The following PTPN11 variants were observed in gnomAD, a reference collection of about 807,000 sequenced individuals.
PTPN11 encodes tyrosine-protein phosphatase non-receptor type 11.
Under a neutral mutation model 78.8 loss-of-function variants are expected in PTPN11, and 6 were observed. That is an observed-to-expected ratio of 0.08 (90% CI 0.04 to 0.15). The LOEUF (loss-of-function observed/expected upper bound fraction) is 0.15, where lower values mean the gene tolerates loss of function less well. Among genes scored for constraint, PTPN11 ranks in the 10% least tolerant of loss-of-function variants. PTPN11 has a pLI of 1.00. For synonymous variants in PTPN11, 221 were observed against 263.5 expected (o/e 0.84, Z 1.56); for missense variants, 386 against 744.8 (o/e 0.52, Z 5.61).
chr12:112,483,983 A>C (rs1215180382), intron 10 of PTPN11, among the ~76,000 whole-genome samples: 1 of 151,870 alleles, frequency 6.6e-6, no homozygotes, highest in African/African-American at 2.4e-5. Context: ...TGGAGGTGGG[A>C]TGCGGAGGGG....
intron 7 of PTPN11, among the ~76,000 whole-genome samples, chr12:112,475,673 T>C (rs1592845844): frequency 1.3e-5 from 2 of 152,358 alleles, no homozygotes; most frequent in African/African-American, 4.8e-5. Flanking sequence ...TTGGAGAGCA[T>C]TGCTCTCATG....
intron 1 of PTPN11, among the ~76,000 whole-genome samples, chr12:112,431,075 G>C (rs59787000): frequency 6.6e-6 from 1 of 152,300 alleles, no homozygotes; most frequent in East Asian, 1.9e-4. Flanking sequence ...TCTTGAGTAC[G>C]TGGAGTTGGA....
chr12:112,427,403 A>G (rs2037635129), intron 1 of PTPN11, among the ~76,000 whole-genome samples: 1 of 151,526 alleles, frequency 6.6e-6, no homozygotes. Context: ...ACAATTAGCC[A>G]GGCCTGGTGG....
chr12:112,472,829 A>G (rs2038439923), intron 6 of PTPN11, 115 bp from the exon 7 acceptor site: 1 of 897,082 alleles, frequency 1.1e-6, no homozygotes, highest in African/African-American at 1.7e-5. Context: ...GCTATCGCAC[A>G]CAATTCTGAA....
At position 112,489,005 on chromosome 12, in the gene PTPN11, CATG is replaced by C. The variant is rs775920290; in HGVS notation, c.1448-15_1448-13del. The C allele has an allele frequency of 5.5e-4, 891 of 1,612,408 alleles. No homozygotes were observed. Among genetic ancestry groups the C allele is most frequent in the Non-Finnish European group, 7.1e-4 (838 of 1,179,880 alleles). On this transcript the variant is annotated splice_polypyrimidine_tract_variant and intron_variant, in intron 12 of 15. Coordinates refer to ENST00000351677, the MANE Select transcript of PTPN11 (RefSeq NM_002834.5). ...GGCTCTGCAGTTTCTCTTTATTCTT[CATG>C]ATGTTTCCTTCGTAGGTGTTGACTG...
At chr12:112,444,253 T>C (rs1403781335) in intron 1 of PTPN11, among the ~76,000 whole-genome samples, 2 of 152,202 alleles carry the variant, frequency 1.3e-5, no homozygotes, top group Non-Finnish European at 2.9e-5. Context: ...ATATGAGTTA[T>C]AGAAAAATAC....
chr12:112,425,076 A>G (rs939894878), intron 1 of PTPN11, among the ~76,000 whole-genome samples: 2 of 150,086 alleles, frequency 1.3e-5, no homozygotes, highest in Admixed American at 1.3e-4. Flanking sequence ...CTGGTCTCAA[A>G]CTCCTGAGCT....
intron 1 of PTPN11, among the ~76,000 whole-genome samples, chr12:112,421,536 A>G (rs2037522217): frequency 6.6e-6 from 1 of 152,164 alleles, no homozygotes; most frequent in Non-Finnish European, 1.5e-5. Flanking sequence ...GGCAGTCTCA[A>G]ACTCCTGGGT....
At chr12:112,501,719 C>T (rs1009103107) in intron 13 of PTPN11, among the ~76,000 whole-genome samples, 13 of 152,196 alleles carry the variant, frequency 8.5e-5, no homozygotes, top group African/African-American at 2.9e-4. Context: ...TACCATCTTT[C>T]ATTCTTGTGT....
intron 1 of PTPN11, among the ~76,000 whole-genome samples, chr12:112,419,651 TTCC>T (rs749737483): frequency 2.6e-5 from 4 of 152,210 alleles, no homozygotes; most frequent in Non-Finnish European, 5.9e-5. Context: ...GTGTCTTCTT[TTCC>T]TCCTACCCCT....
At chr12:112,460,131 A>G (rs749242058) in intron 6 of PTPN11, among the ~76,000 whole-genome samples, 4 of 151,872 alleles carry the variant, frequency 2.6e-5, no homozygotes, top group Admixed American at 6.6e-5. Flanking sequence ...TATTTTTAGT[A>G]GAGGTGGGGT....
At chr12:112,449,432 G>C (rs967353519) in intron 2 of PTPN11, among the ~76,000 whole-genome samples, 1 of 151,826 alleles carries the variant, frequency 6.6e-6, no homozygotes, top group Non-Finnish European at 1.5e-5. Context: ...GTGTGAACCC[G>C]GGACGTGGAG....
chr12:112,489,209 T>A, intron 13 of PTPN11, 34 bp downstream of exon 13: 1 of 1,613,360 alleles, frequency 6.2e-7, no homozygotes, highest in African/African-American at 1.3e-5. Flanking sequence ...CGGATTCTCA[T>A]TCTCTTGCTA....
In PTPN11 at chr12:112,418,971, AG is replaced by A. The variant is rs1053768537; in HGVS notation, c.-135del. 3.4e-5 allele frequency: 34 copies of A among 1,004,522 alleles called. No individual in the cohort carries two copies. The highest frequency in any genetic ancestry group is 2.1e-4 in the Admixed American group (10 of 48,160). 62.2% of individuals were successfully genotyped at this position (1,004,522 alleles called of 1,614,324 possible). Reference sequence around the variant, plus strand: ...CAGTCTCCGGGATCCCCAGGCCTGGAGGGGGGTCTGTGCGCGGCCGGCTGGC... The same window carrying A: ...CAGTCTCCGGGATCCCCAGGCCTGGAGGGGGTCTGTGCGCGGCCGGCTGGC... On this transcript the variant is annotated 5_prime_UTR_variant, in exon 1 of 16. Transcript: ENST00000351677.
rs751254521 is a variant in PTPN11 at position 112,504,658 on chromosome 12, A to C, written c.1713-37A>C. ...TGTAAGCTTAAACAGCGTGGTCTAC[A>C]TTTTTGTAAATGTCTTTCTTTTTCT... On this transcript the variant is annotated intron_variant, in intron 14 of 15. Coordinates refer to ENST00000351677, the MANE Select transcript of PTPN11 (RefSeq NM_002834.5). This position sits in a 1 kb window ranked among gnomAD's most constrained non-coding sequence, Gnocchi z 4.7. 3 of 1,479,662 alleles carry C rather than the reference A, an allele frequency of 2.0e-6. No individual in the cohort carries two copies. The highest frequency in any genetic ancestry group is 2.8e-6 in the Non-Finnish European group (3 of 1,063,474). The allele number at this position is 1,479,662 out of a possible 1,614,324, so 91.7% of individuals were successfully genotyped here.
At chr12:112,456,158 C>T (rs950664342) in intron 6 of PTPN11, 95 bp downstream of exon 6, 9 of 823,608 alleles carry the variant, frequency 1.1e-5, no homozygotes, top group African/African-American at 8.5e-5. Flanking sequence ...ACCTGAGAGA[C>T]TTGAAACTGA....
chr12:112,460,096 C>T (rs2135878127), intron 6 of PTPN11, among the ~76,000 whole-genome samples: 1 of 152,180 alleles, frequency 6.6e-6, no homozygotes, highest in South Asian at 2.1e-4. Context: ...TACAGGTGCC[C>T]ACCACCTCAC....
chr12:112,454,789 T>A (rs772634205), intron 5 of PTPN11, 109 bp downstream of exon 5: 1 of 760,752 alleles, frequency 1.3e-6, no homozygotes, highest in Admixed American at 2.0e-5. Flanking sequence ...TCAGCCTCCA[T>A]GTACCCATTG....
chr12:112,467,818 A>G (rs774089620), intron 6 of PTPN11, among the ~76,000 whole-genome samples: 3 of 152,062 alleles, frequency 2.0e-5, no homozygotes, highest in Non-Finnish European at 2.9e-5. Flanking sequence ...AAACAACCAG[A>G]TTGCACGTGA....
Sources: gnomAD v4.1 joint callset for allele counts (sites outside exome capture counted in the v4.1 genomes callset) on GRCh38, gnomAD v4.1.1 for gene constraint, Gnocchi (gnomAD v3.1) non-coding constraint, MANE v1.5 for transcripts, NCBI Gene and HGNC (gene_info 2026-07-23, HGNC 2026-07-21) for gene names.